MMS22L: variants seen among roughly 807,000 people sequenced by gnomAD.
The protein encoded by MMS22L is MMS22 like, DNA repair protein.
A neutral mutation model predicts 159.1 loss-of-function variants in MMS22L; 74 were observed. The observed-to-expected ratio is 0.47, with a 90% confidence interval of 0.39 to 0.56. MMS22L has a LOEUF of 0.56. MMS22L is among the 20% of genes least tolerant of loss of function. The pLI is 0.00. For missense variants in MMS22L, 1,351 were observed against 1,422.1 expected, an observed-to-expected ratio of 0.95 and a Z score of 0.80; for synonymous variants, 517 against 506.9, an observed-to-expected ratio of 1.02 and a Z score of -0.27.
chr6:97,273,374 A>G (rs1027417736), intron 4 of MMS22L, among the ~76,000 whole-genome samples: 1 of 151,506 alleles, frequency 6.6e-6, no homozygotes, highest in Non-Finnish European at 1.5e-5. Flanking sequence ...CCTTTGTCCT[A>G]CCTCTTTTAT....
At chr6:97,231,254 A>T (rs1261709973) in intron 13 of MMS22L, 172 bp downstream of exon 13, 1 of 584,950 alleles carries the variant, frequency 1.7e-6, no homozygotes, top group East Asian at 2.9e-5. Context: ...CTACCAACGT[A>T]CAACTTGAAG....
At chr6:97,166,961 T>C (rs1431031861) in intron 20 of MMS22L, among the ~76,000 whole-genome samples, 1 of 152,108 alleles carries the variant, frequency 6.6e-6, no homozygotes, top group Non-Finnish European at 1.5e-5. Context: ...TTAAAACTTC[T>C]CAGGAATCTT....
chr6:97,187,605 C>CA (rs1554261606), intron 14 of MMS22L, among the ~76,000 whole-genome samples: 3 of 151,610 alleles, frequency 2.0e-5, no homozygotes, highest in Non-Finnish European at 4.4e-5. Context: ...CAGAAAGCAG[C>CA]AAAAAATAAC....
intron 9 of MMS22L, chr6:97,260,481 C>T (rs1041257334): frequency 6.6e-6 from 1 of 152,144 alleles, no homozygotes; most frequent in Non-Finnish European, 1.5e-5. Flanking sequence ...TAATTTTCCT[C>T]TTCCTATTTC....
At chr6:97,268,155 A>G (rs1178511240) in intron 7 of MMS22L, among the ~76,000 whole-genome samples, 153 bp from the exon 8 acceptor site, 1 of 151,736 alleles carries the variant, frequency 6.6e-6, no homozygotes, top group Admixed American at 6.6e-5. Flanking sequence ...CAACCTTCTC[A>G]TATGAGCACT....
At chr6:97,167,297 CTTT>C (rs1248406472) in intron 20 of MMS22L, among the ~76,000 whole-genome samples, 5 of 152,258 alleles carry the variant, frequency 3.3e-5, no homozygotes, top group East Asian at 1.9e-4. Flanking sequence ...CATTTCACTT[CTTT>C]GAGTTCCTCC....
intron 9 of MMS22L, chr6:97,259,262 A>G (rs944254924): frequency 2.0e-5 from 3 of 152,214 alleles, no homozygotes; most frequent in Non-Finnish European, 2.9e-5. Flanking sequence ...TTGTACAACT[A>G]CAAATAGAAT....
At chr6:97,161,688 A>G (rs1484332882) in intron 22 of MMS22L, among the ~76,000 whole-genome samples, 1 of 152,076 alleles carries the variant, frequency 6.6e-6, no homozygotes, top group Non-Finnish European at 1.5e-5. Flanking sequence ...TGCCTTTAAT[A>G]CTGAAGTCAA....
chr6:97,246,989 A>G (rs1812722655), intron 10 of MMS22L, among the ~76,000 whole-genome samples: 1 of 20,474 alleles, frequency 4.9e-5, no homozygotes, highest in Admixed American at 4.1e-4. Context: ...TCCAACAGGA[A>G]AAAAAAAAAA....
In MMS22L at chr6:97,144,252, G is replaced by C. The variant is rs965222278; in HGVS notation, c.*2554C>G. ...CATGAAGGTGCTCTCAAGATACAGT[G>C]GTCATTTTTGGTCTGGGGACTGGTT... On this transcript the variant is annotated 3_prime_UTR_variant, in exon 25 of 25. Coordinates refer to ENST00000683635, the MANE Select transcript of MMS22L (RefSeq NM_001350599.2). 1 of 152,142 alleles carries C rather than the reference G, an allele frequency of 6.6e-6. No individual in the cohort carries two copies. Among genetic ancestry groups the C allele is most frequent in the Non-Finnish European group, 1.5e-5 (1 of 68,030 alleles). 9.4% of individuals were successfully genotyped at this position (152,142 alleles called of 1,614,324 possible).
intron 14 of MMS22L, among the ~76,000 whole-genome samples, chr6:97,216,973 A>G (rs1446167725): frequency 6.6e-6 from 1 of 152,176 alleles, no homozygotes; most frequent in East Asian, 1.9e-4. Flanking sequence ...TTTACAGAGT[A>G]TATTTATTTT....
intron 22 of MMS22L, among the ~76,000 whole-genome samples, chr6:97,153,872 G>A (rs1010453656): frequency 6.6e-6 from 1 of 151,944 alleles, no homozygotes; most frequent in Non-Finnish European, 1.5e-5. Flanking sequence ...TCCATCAAAC[G>A]ATGAGTATTC....
chr6:97,237,930 G>C (rs1027054461), intron 11 of MMS22L, among the ~76,000 whole-genome samples: 4 of 152,030 alleles, frequency 2.6e-5, no homozygotes, highest in African/African-American at 7.2e-5. Flanking sequence ...CACACTGAAG[G>C]GTTTTATTTA....
At chr6:97,257,693 C>T (rs1197238287) in intron 9 of MMS22L, among the ~76,000 whole-genome samples, 2 of 152,106 alleles carry the variant, frequency 1.3e-5, no homozygotes, top group Non-Finnish European at 2.9e-5. Flanking sequence ...TCCCAAAGTG[C>T]TGGGGTTACA....
intron 14 of MMS22L, among the ~76,000 whole-genome samples, chr6:97,187,235 A>G (rs1341771943): frequency 1.3e-5 from 2 of 152,182 alleles, no homozygotes; most frequent in African/African-American, 2.4e-5. Context: ...CTTGGTAGGC[A>G]ATAATATACA....
At chr6:97,157,782 TTTG>T (rs1219123805) in intron 22 of MMS22L, among the ~76,000 whole-genome samples, 3 of 152,172 alleles carry the variant, frequency 2.0e-5, no homozygotes, top group Non-Finnish European at 2.9e-5. Flanking sequence ...AAAATTTTTT[TTTG>T]TTGTTGTGTC....
chr6:97,241,276 G>A (rs199813957), intron 11 of MMS22L, among the ~76,000 whole-genome samples: 2 of 152,174 alleles, frequency 1.3e-5, no homozygotes, highest in African/African-American at 2.4e-5. Flanking sequence ...ACATGCATGT[G>A]CAAGTGTTTC....
Position 97,263,446 on chromosome 6 carries a change from A to C in MMS22L, c.831T>G (p.Val277=), listed in dbSNP as rs549054362. The change falls in exon 9 of 25, where the codon GTT becomes GTG. Residue 277 remains valine, a splice_region_variant and synonymous_variant. Transcript: ENST00000683635. The part of the protein sequence containing the change: ...ISLSLNRYDK[V]RSSESLMSDQ... ...CACTCATTAATGATTCAGAAGACCT[A>C]ACCTATAGAAAATAACCAAAATGTG... The C allele has an allele frequency of 2.6e-6, 4 of 1,513,222 alleles. No individual in the cohort carries two copies. In the South Asian group the frequency reaches 5.3e-5, roughly 20 times the overall value. 93.7% of individuals were successfully genotyped at this position (1,513,222 alleles called of 1,614,324 possible). A position where few individuals can be genotyped will look rare whatever the true frequency, so the allele number is the denominator to read the frequency against.
At chr6:97,195,093 T>A (rs1320110352) in intron 14 of MMS22L, among the ~76,000 whole-genome samples, 1 of 152,204 alleles carries the variant, frequency 6.6e-6, no homozygotes, top group Non-Finnish European at 1.5e-5. Context: ...ATTGTACTTG[T>A]ACAATGATCA....
Sources: gnomAD v4.1 joint callset for allele counts (sites outside exome capture counted in the v4.1 genomes callset) on GRCh38, gnomAD v4.1.1 for gene constraint, MANE v1.5 for transcripts, NCBI Gene and HGNC (gene_info 2026-07-23, HGNC 2026-07-21) for gene names.